The following NBPF11 variants were observed in gnomAD, a reference collection of about 807,000 sequenced individuals.
NBPF11 encodes NBPF family member NBPF11.
A neutral mutation model predicts 93.9 loss-of-function variants in NBPF11; 72 were observed. That is an observed-to-expected ratio of 0.77 (90% CI 0.63 to 0.93). The LOEUF is 0.93. Ranked by LOEUF, NBPF11 falls within the 40% of genes least tolerant of loss-of-function variation. NBPF11 has a pLI of 0.00. For missense variants in NBPF11, 705 were observed against 802.2 expected (o/e 0.88, Z 1.46); for synonymous variants, 224 against 304.9 (o/e 0.73, Z 2.76).
chr1:148,115,135 A>C (rs1184956009), intron 14 of NBPF11, among the ~76,000 whole-genome samples: 44 of 100,260 alleles, frequency 4.4e-4, no homozygotes, highest in Non-Finnish European at 6.9e-4. Flanking sequence ...ACTGCACTCC[A>C]GCCTAGGTGA....
intron 1 of NBPF11, among the ~76,000 whole-genome samples, chr1:148,147,524 C>T (rs1448689463): frequency 2.6e-5 from 4 of 152,112 alleles, no homozygotes; most frequent in African/African-American, 4.8e-5. Context: ...GAGCAGCGCC[C>T]GGGCCAGTGC....
At chr1:148,147,626 C>T (rs1673397433) in intron 1 of NBPF11, among the ~76,000 whole-genome samples, 1 of 152,004 alleles carries the variant, frequency 6.6e-6, no homozygotes, top group Non-Finnish European at 1.5e-5. Context: ...GCCCAGCCCA[C>T]TGGTCTGACC....
At chr1:148,138,026 G>T (rs1267313681) in intron 2 of NBPF11, among the ~76,000 whole-genome samples, 1 of 151,314 alleles carries the variant, frequency 6.6e-6, no homozygotes, top group Non-Finnish European at 1.5e-5. Context: ...TCATTATTGG[G>T]CGTTTCCGGA....
chr1:148,106,528 G>A (rs1344719542), intron 20 of NBPF11, among the ~76,000 whole-genome samples: 1 of 138,178 alleles, frequency 7.2e-6, no homozygotes, highest in Non-Finnish European at 1.5e-5. Flanking sequence ...ATGCCCCAGA[G>A]GATTTCTAGG....
At chr1:148,149,139 G>A in intron 1 of NBPF11, 2 of 1,584,604 alleles carry the variant, frequency 1.3e-6, no homozygotes, top group South Asian at 1.1e-5. Context: ...GGCCGCGGCT[G>A]ACCCTGCTCC....
chr1:148,146,978 G>T (rs1422198848), intron 1 of NBPF11: 1 of 1,484,454 alleles, frequency 6.7e-7, no homozygotes, highest in African/African-American at 1.4e-5. Flanking sequence ...GGACCAGGCG[G>T]GGGGCCGGGG....
rs1399740048 is a variant in NBPF11, at chr1:148,143,691, G to A, written c.-548-5C>T. The A allele has an allele frequency of 1.9e-5, 3 of 161,126 alleles. No individual in the cohort carries two copies. Among genetic ancestry groups the A allele is most frequent in the Non-Finnish European group, 4.0e-5 (3 of 74,720 alleles). The allele number at this position is 161,126 out of a possible 1,614,324, so 10.0% of individuals were successfully genotyped here. ...CAGGATTTGCCTTCAGAATGCCTAT[G>A]AGATAAAAGAGAGAAATCAAGGTTA... is the stretch of plus-strand genomic sequence containing the variant. On this transcript the variant is annotated splice_region_variant and splice_polypyrimidine_tract_variant and intron_variant, in intron 1 of 23. Transcript: ENST00000682118.
At chr1:148,134,826 A>G (rs1453178297) in intron 4 of NBPF11, among the ~76,000 whole-genome samples, 10 of 151,946 alleles carry the variant, frequency 6.6e-5, no homozygotes, top group Non-Finnish European at 1.2e-4. Context: ...AGATGCTCAC[A>G]GACAACCACA....
In NBPF11 at chr1:148,127,021, A is replaced by G; in HGVS notation, c.-18T>C. 1 of 656,848 alleles carries G rather than the reference A, an allele frequency of 1.5e-6. No homozygotes were observed. The highest frequency in any genetic ancestry group is 1.6e-5 in the South Asian group (1 of 61,392). The allele number at this position is 656,848 out of a possible 1,614,324, so 40.7% of individuals were successfully genotyped here. On this transcript the variant is annotated 5_prime_UTR_variant, in exon 5 of 24. Transcript: ENST00000682118. ...ACCACCATGCTGACGTTTGTGGCAG[A>G]AGAGGTGGAGTCAGGGACTGGGGAG...
In NBPF11 at chr1:148,118,643, C is replaced by A. The variant is rs1374691737; in HGVS notation, c.1068G>T (p.Gln356His). The change falls in exon 11 of 24, where the codon CAG becomes CAT. Residue 356 changes from glutamine (Q) to histidine (H), a missense_variant. Physicochemically the swap from Gln to His is conservative, Grantham distance 24 (BLOSUM62 0). Transcript: ENST00000682118. ...ACCTGAGCTCCTCAGCTTGCTTCAG[C>A]TGCTCTGCAAGCTTCTCCTCCTTGA... Reference protein sequence around the residue: ...RQFKEEKLAEQLKQAEELRQY... With the variant: ...RQFKEEKLAEHLKQAEELRQY... The A allele has an allele frequency of 1.9e-6, 3 of 1,612,920 alleles. No individual in the cohort carries two copies. The Admixed American group carries it at 5.0e-5, about 27-fold the overall frequency.
rs1180299618 is a variant in NBPF11, at chr1:148,150,292, T to C, written c.-549+1458A>G. Among the ~76,000 whole-genome samples, 18 of 148,728 alleles carry C rather than the reference T, an allele frequency of 1.2e-4. No homozygotes were observed. In the East Asian group the frequency reaches 2.8e-3, roughly 23 times the overall value. On this transcript the variant is annotated intron_variant, in intron 1 of 23. Coordinates refer to ENST00000682118, the MANE Select transcript of NBPF11 (RefSeq NM_001385469.3). Reference sequence around the variant, plus strand: ...CTAATTTTTGTATTTTTAGTAGAGATGGCATTTTGCCACGTTGCCCAGGCT... The same window carrying C: ...CTAATTTTTGTATTTTTAGTAGAGACGGCATTTTGCCACGTTGCCCAGGCT...
chr1:148,125,730 T>G (rs1388040558), intron 5 of NBPF11, among the ~76,000 whole-genome samples: 10 of 152,002 alleles, frequency 6.6e-5, no homozygotes, highest in African/African-American at 9.7e-5. Flanking sequence ...AAATACCTCA[T>G]GTAATTCATT....
chr1:148,125,107 C>T lies in NBPF11; in HGVS notation c.176-106G>A, dbSNP rs1164384025. 7.6e-6 allele frequency: 6 copies of T among 790,980 alleles called. No homozygotes were observed. The African/African-American group carries it at 8.5e-5, about 11-fold the overall frequency. The allele number at this position is 790,980 out of a possible 1,614,324, so 49.0% of individuals were successfully genotyped here. Reference sequence around the variant, plus strand: ...TCCATCCCAAGGACAAAACTCTCCCCAGTACCAGGGTCTAGACAGGGATTT... The same window carrying T: ...TCCATCCCAAGGACAAAACTCTCCCTAGTACCAGGGTCTAGACAGGGATTT... On this transcript the variant is annotated intron_variant, in intron 5 of 23. Transcript: ENST00000682118.
chr1:148,135,843 C>T, intron 3 of NBPF11, 30 bp from the exon 4 acceptor site: 1 of 731,598 alleles, frequency 1.4e-6, no homozygotes, highest in South Asian at 1.5e-5. Context: ...AATTTATTTA[C>T]CTCCCCAGAG....
intron 15 of NBPF11, among the ~76,000 whole-genome samples, chr1:148,111,058 T>C (rs1665137132): frequency 6.6e-6 from 1 of 151,508 alleles, no homozygotes; most frequent in African/African-American, 2.4e-5. Context: ...CATCTCTCCC[T>C]GGATTTAAAC....
At chr1:148,138,392 G>T (rs1237811724) in intron 2 of NBPF11, among the ~76,000 whole-genome samples, 3 of 151,634 alleles carry the variant, frequency 2.0e-5, no homozygotes, top group African/African-American at 7.3e-5. Context: ...CTTTACGGGT[G>T]TCGGGCTGGG....
At chr1:148,108,768 C>T (rs1664453993) in intron 17 of NBPF11, 114 bp from the exon 18 acceptor site, 2 of 722,246 alleles carry the variant, frequency 2.8e-6, no homozygotes, top group Non-Finnish European at 5.0e-6. Flanking sequence ...AGGACAGATC[C>T]ATTAATGAGG....
At chr1:148,116,775 C>A (rs1666658018) in intron 12 of NBPF11, among the ~76,000 whole-genome samples, 1 of 151,992 alleles carries the variant, frequency 6.6e-6, no homozygotes. Context: ...CTTTTGCTTC[C>A]CATATCACTG....
rs1648046795 is a variant in NBPF11 at position 148,150,635 on chromosome 1, C to T, written c.-549+1115G>A. Among the ~76,000 whole-genome samples the T allele has an allele frequency of 1.3e-5, 2 of 151,850 alleles. 1 individual carries two copies. Among genetic ancestry groups the T allele is most frequent in the African/African-American group, 4.9e-5 (2 of 41,202 alleles). On this transcript the variant is annotated intron_variant, in intron 1 of 23. Coordinates refer to ENST00000682118, the MANE Select transcript of NBPF11 (RefSeq NM_001385469.3). ...AAAAACCACCAGCACATCAGTTTTCCTTAACTTCGTGAAGCACTGGTATTC... is the reference window on the plus strand; with the variant it reads ...AAAAACCACCAGCACATCAGTTTTCTTTAACTTCGTGAAGCACTGGTATTC...
Sources: allele counts gnomAD v4.1 joint callset (sites outside exome capture counted in the v4.1 genomes callset), GRCh38; gene constraint gnomAD v4.1.1; transcripts MANE v1.5; gene names NCBI Gene and HGNC (gene_info 2026-07-23, HGNC 2026-07-21).